The following INPP4B variants were observed in gnomAD, a reference collection of about 807,000 sequenced individuals.
INPP4B encodes the protein inositol polyphosphate-4-phosphatase type II B, also known as inositol polyphosphate 4-phosphatase type II.
In INPP4B, 55 loss-of-function variants were observed where a neutral mutation model predicts 122.5. The ratio of observed to expected loss-of-function variants is 0.45; its 90% CI spans 0.36 to 0.56. The LOEUF (loss-of-function observed/expected upper bound fraction) is 0.56. Ranked by LOEUF, INPP4B falls within the 20% of genes least tolerant of loss-of-function variation. The probability of loss-of-function intolerance (pLI) is 0.00; values close to 1 mark genes in which losing one functional copy is unlikely to be tolerated. For synonymous variants in INPP4B, 403 were observed against 388.7 expected (o/e 1.04, Z -0.43); for missense variants, 1,000 against 1,097.7 (o/e 0.91, Z 1.26).
rs1355787553 is a variant in INPP4B at position 142,348,546 on chromosome 4, C to T, written c.373-33784G>A. On this transcript the variant is annotated intron_variant, in intron 7 of 25. Transcript: ENST00000262992. The stretch of plus-strand genomic sequence containing the variant: ...AAAAATCATCAGTATGTGGGAGGCC[C>T]CTTCTCTAACCTCTTTTCTTCATCC... 2.6e-5 allele frequency among the ~76,000 whole-genome samples: 4 copies of T among 151,892 alleles called. No individual in the cohort carries two copies. In the East Asian group the frequency reaches 7.8e-4, roughly 29 times the overall value.
intron 14 of INPP4B, among the ~76,000 whole-genome samples, chr4:142,197,248 G>A (rs1838737436): frequency 1.3e-5 from 2 of 151,566 alleles, no homozygotes; most frequent in African/African-American, 4.8e-5. Flanking sequence ...CTGTTGTCCA[G>A]TTACAACAGC....
rs183147895 is a variant in INPP4B, at chr4:142,809,499, C to T, written c.-254+36710G>A. The stretch of plus-strand genomic sequence containing the variant: ...TTGTATTTAAGACAAATGTTTGATG[C>T]TCCAGGTACCTCTATAGTAATAGGT... On this transcript the variant is annotated intron_variant, in intron 1 of 25. Transcript: ENST00000262992. Among the ~76,000 whole-genome samples the T allele has an allele frequency of 2.9e-4, 44 of 152,254 alleles. No individual in the cohort carries two copies. The East Asian group carries it at 3.7e-3, about 13-fold the overall frequency.
chr4:142,766,372 G>C (rs770901391), intron 1 of INPP4B, among the ~76,000 whole-genome samples: 48 of 151,914 alleles, frequency 3.2e-4, no homozygotes, highest in Non-Finnish European at 5.2e-4. Context: ...GAAAGCATAA[G>C]GTGTTTTTTT....
chr4:142,774,784 T>C (rs1773597837), intron 1 of INPP4B, among the ~76,000 whole-genome samples: 1 of 152,088 alleles, frequency 6.6e-6, no homozygotes, highest in Non-Finnish European at 1.5e-5. Flanking sequence ...AGAATTCCCA[T>C]ATACCTTGCA....
intron 1 of INPP4B, among the ~76,000 whole-genome samples, chr4:142,748,690 A>G (rs538517356): frequency 6.6e-6 from 1 of 152,176 alleles, no homozygotes; most frequent in African/African-American, 2.4e-5. Context: ...AGAAAATTGA[A>G]TGATATTCTT....
intron 2 of INPP4B, among the ~76,000 whole-genome samples, chr4:142,696,365 T>A (rs1761027080): frequency 6.6e-6 from 1 of 152,058 alleles, no homozygotes; most frequent in South Asian, 2.1e-4. Flanking sequence ...GCCCAGCAGC[T>A]CAAGGGAACA....
chr4:142,306,643 T>G (rs913069463), intron 8 of INPP4B, among the ~76,000 whole-genome samples: 8 of 152,164 alleles, frequency 5.3e-5, no homozygotes, highest in Admixed American at 6.5e-5. Context: ...AAGTCGGAAT[T>G]TTTCTCCCTC....
chr4:142,807,375 A>G (rs1483123783), intron 1 of INPP4B, among the ~76,000 whole-genome samples: 2 of 152,246 alleles, frequency 1.3e-5, no homozygotes, highest in Non-Finnish European at 2.9e-5. Context: ...TGTGTAAAGT[A>G]GCACAAAGAT....
At chr4:142,323,502 G>A (rs1223503193) in intron 7 of INPP4B, among the ~76,000 whole-genome samples, 1 of 143,792 alleles carries the variant, frequency 7.0e-6, no homozygotes, top group Non-Finnish European at 1.5e-5. Context: ...CTGGAGTGCA[G>A]TGGCACGATC....
In INPP4B at chr4:142,024,948, A is replaced by G. The variant is rs866606950; in HGVS notation, c.*3834T>C. The G allele has an allele frequency of 2.2e-4, 33 of 152,264 alleles. No individual in the cohort carries two copies. The highest frequency in any genetic ancestry group is 3.4e-3 in the Middle Eastern group (1 of 294). 9.4% of individuals were successfully genotyped at this position (152,264 alleles called of 1,614,324 possible). On this transcript the variant is annotated 3_prime_UTR_variant, in exon 26 of 26. Coordinates refer to ENST00000262992, the MANE Select transcript of INPP4B (RefSeq NM_001101669.3). The stretch of plus-strand genomic sequence containing the variant: ...ATATAGTCATCAAATATGACTTTTA[A>G]CCTAATAGGAGTCTTTAAAGAAGGT...
chr4:142,796,867 GATGTGT>G (rs1316681570), intron 1 of INPP4B, among the ~76,000 whole-genome samples: 4 of 128,748 alleles, frequency 3.1e-5, no homozygotes, highest in Non-Finnish European at 4.7e-5. Context: ...GCGGAAAACA[GATGTGT>G]GTGTGTGTGT....
intron 2 of INPP4B, among the ~76,000 whole-genome samples, chr4:142,645,401 T>C (rs1751526155): frequency 6.6e-6 from 1 of 152,220 alleles, no homozygotes; most frequent in Non-Finnish European, 1.5e-5. Flanking sequence ...ATATCCATTC[T>C]TCCTTTTTCT....
intron 1 of INPP4B, among the ~76,000 whole-genome samples, chr4:142,765,021 A>G (rs538753797): frequency 1.3e-5 from 2 of 152,244 alleles, no homozygotes; most frequent in African/African-American, 2.4e-5. Flanking sequence ...TGGTGCAATT[A>G]CTTTGAGAAA....
At chr4:142,201,828 A>G (rs1345640369) in intron 14 of INPP4B, among the ~76,000 whole-genome samples, 1 of 152,062 alleles carries the variant, frequency 6.6e-6, no homozygotes, top group Non-Finnish European at 1.5e-5. Flanking sequence ...TTTAAAAAAT[A>G]TTTTTATTGT....
At chr4:142,030,152 C>T (rs758176283) in intron 25 of INPP4B, 75 of 1,534,834 alleles carry the variant, frequency 4.9e-5, no homozygotes, top group Non-Finnish European at 5.5e-5. Context: ...CTAAGAGTAA[C>T]GCCAGACTTA....
intron 5 of INPP4B, chr4:142,427,227 A>G (rs1808301207): frequency 3.9e-6 from 1 of 258,624 alleles, no homozygotes; most frequent in African/African-American, 2.2e-5. Context: ...AAGGAACCTA[A>G]CAGTTTGGGG....
At chr4:142,562,544 A>G (rs1302639286) in intron 2 of INPP4B, among the ~76,000 whole-genome samples, 1 of 152,184 alleles carries the variant, frequency 6.6e-6, no homozygotes, top group Non-Finnish European at 1.5e-5. Flanking sequence ...CAAGGAGACC[A>G]AGAGCAGGAA....
chr4:142,224,630 G>A (rs1009984389), intron 12 of INPP4B, among the ~76,000 whole-genome samples: 3 of 151,758 alleles, frequency 2.0e-5, no homozygotes, highest in Admixed American at 1.3e-4. Flanking sequence ...GACTCTTATC[G>A]GCCATCTTCT....
chr4:142,195,545 G>A (rs557899968), intron 14 of INPP4B, among the ~76,000 whole-genome samples: 10 of 152,258 alleles, frequency 6.6e-5, no homozygotes, highest in South Asian at 6.2e-4. Context: ...GTATGCCTAC[G>A]TCCAAATTCA....
Sources: gnomAD v4.1 joint callset for allele counts (sites outside exome capture counted in the v4.1 genomes callset) on GRCh38, gnomAD v4.1.1 for gene constraint, MANE v1.5 for transcripts, NCBI Gene and HGNC (gene_info 2026-07-23, HGNC 2026-07-21) for gene names.